USP34: variants seen among roughly 807,000 people sequenced by gnomAD.
USP34 encodes the protein ubiquitin carboxyl-terminal hydrolase 34.
Under a neutral mutation model 460.3 loss-of-function variants are expected in USP34, and 70 were observed. That is an observed-to-expected ratio of 0.15 (90% CI 0.13 to 0.19). The LOEUF is 0.19. Ranked by LOEUF, USP34 falls within the 10% of genes least tolerant of loss-of-function variation. The pLI is 1.00. For missense variants in USP34, 3,985 were observed against 4,236.2 expected (o/e 0.94, Z 1.65); for synonymous variants, 1,647 against 1,405.3 (o/e 1.17, Z -3.85).
chr2:61,313,235 A>T (rs1421976898), intron 25 of USP34, among the ~76,000 whole-genome samples: 1 of 150,852 alleles, frequency 6.6e-6, no homozygotes, highest in East Asian at 1.9e-4. Flanking sequence ...GGACATAACA[A>T]TTTTTTTTTT....
At chr2:61,375,566 G>A (rs543552581) in intron 8 of USP34, among the ~76,000 whole-genome samples, 12 of 151,954 alleles carry the variant, frequency 7.9e-5, no homozygotes, top group African/African-American at 1.2e-4. Context: ...TCAGGAGATC[G>A]AGTCCATCCT....
At chr2:61,229,359 T>C (rs56034939) in intron 59 of USP34, among the ~76,000 whole-genome samples, 189 bp downstream of exon 59, 7 of 150,818 alleles carry the variant, frequency 4.6e-5, no homozygotes, top group African/African-American at 1.5e-4. Flanking sequence ...TGGTGGTTCA[T>C]GCCTGTAATC....
intron 29 of USP34, among the ~76,000 whole-genome samples, chr2:61,298,704 A>T (rs1275651585): frequency 6.6e-6 from 1 of 151,918 alleles, no homozygotes; most frequent in Admixed American, 6.6e-5. Flanking sequence ...TCCTCCACAC[A>T]AACATCTAAA....
At chr2:61,457,652 C>T (rs927294120) in intron 1 of USP34, among the ~76,000 whole-genome samples, 44 of 152,146 alleles carry the variant, frequency 2.9e-4, no homozygotes, top group African/African-American at 1.0e-3. Context: ...CACTTGAGGC[C>T]AGAAGTTCAA....
At chr2:61,200,775 G>GTGGTCATTAATGTGGACTTCTT (rs1686952559) in intron 75 of USP34, 2 of 152,292 alleles carry the variant, frequency 1.3e-5, no homozygotes, top group Non-Finnish European at 1.5e-5. Flanking sequence ...CCAACTCTGT[G>GTGGTCATTAATGTGGACTTCTT]TGGTCATTAA....
Position 61,451,403 on chromosome 2 carries a change from TGCTGGGTGCG to T in USP34, c.43+19237_43+19246del, listed in dbSNP as rs1695272206. Among the ~76,000 whole-genome samples the T allele has an allele frequency of 4.0e-5, 6 of 150,660 alleles. No homozygotes were observed. In the South Asian group the frequency reaches 1.3e-3, roughly 32 times the overall value. ...TAAATTCTGTACAAGACAGACATGG[TGCTGGGTGCG>T]GTGGCTCACGCCTGTAATCCCAGCA... is the stretch of plus-strand genomic sequence containing the variant. On this transcript the variant is annotated intron_variant, in intron 1 of 79. Coordinates refer to ENST00000398571, the MANE Select transcript of USP34 (RefSeq NM_014709.4).
intron 1 of USP34, among the ~76,000 whole-genome samples, chr2:61,460,538 T>C (rs553219088): frequency 6.6e-6 from 1 of 152,080 alleles, no homozygotes; most frequent in Middle Eastern, 3.4e-3. Context: ...GTTCTTAAAA[T>C]AATGAGAAAA....
rs542746639 is a variant in USP34 at position 61,389,596 on chromosome 2, A to C, written c.753+5257T>G. On this transcript the variant is annotated intron_variant, in intron 5 of 79. Transcript: ENST00000398571. ...TGCTTATAAAAGTAATGAAAACAAA[A>C]TTACATACTATGCAACAGAGGTACA... is the stretch of plus-strand genomic sequence containing the variant. 1.7e-4 allele frequency among the ~76,000 whole-genome samples: 26 copies of C among 152,344 alleles called. No individual in the cohort carries two copies. The South Asian group carries it at 4.8e-3, about 28-fold the overall frequency.
intron 10 of USP34, among the ~76,000 whole-genome samples, chr2:61,355,377 A>C (rs1190855026): frequency 5.9e-5 from 9 of 152,242 alleles, no homozygotes; most frequent in Admixed American, 5.9e-4. Context: ...GATTTAAAAA[A>C]CAAAGAATAA....
intron 27 of USP34, among the ~76,000 whole-genome samples, chr2:61,304,278 C>T (rs1358684621): frequency 6.6e-6 from 1 of 152,190 alleles, no homozygotes. Context: ...TTAAAACACT[C>T]TCAGTCATGA....
intron 20 of USP34, among the ~76,000 whole-genome samples, chr2:61,326,262 C>T (rs2103715237): frequency 6.6e-6 from 1 of 152,254 alleles, no homozygotes; most frequent in South Asian, 2.1e-4. Flanking sequence ...GGCTGGAGTG[C>T]AGTGACAGAA....
intron 10 of USP34, among the ~76,000 whole-genome samples, chr2:61,361,976 A>C (rs546564233): frequency 3.3e-5 from 5 of 151,616 alleles, no homozygotes; most frequent in Non-Finnish European, 7.4e-5. Flanking sequence ...AAAAATAATA[A>C]ATAAATAAAT....
At chr2:61,468,075 A>T (rs1173519921) in intron 1 of USP34, among the ~76,000 whole-genome samples, 2 of 152,178 alleles carry the variant, frequency 1.3e-5, no homozygotes, top group African/African-American at 2.4e-5. Flanking sequence ...TCAAGCTCCA[A>T]CCACTCATGT....
In USP34 at chr2:61,464,136, T is replaced by C. The variant is rs1695691053; in HGVS notation, c.43+6514A>G. On this transcript the variant is annotated intron_variant, in intron 1 of 79. Coordinates refer to ENST00000398571, the MANE Select transcript of USP34 (RefSeq NM_014709.4). Reference sequence around the variant, plus strand: ...TAGTTCAAGACCAGTGTGGCCAAACTGGTGAAAATTAGTCTCGACTAAAAA... The same window carrying C: ...TAGTTCAAGACCAGTGTGGCCAAACCGGTGAAAATTAGTCTCGACTAAAAA... 2.0e-5 allele frequency among the ~76,000 whole-genome samples: 3 copies of C among 152,180 alleles called. No homozygotes were observed. The South Asian group carries it at 6.2e-4, about 31-fold the overall frequency.
intron 75 of USP34, among the ~76,000 whole-genome samples, chr2:61,194,685 G>A (rs1050226308): frequency 6.6e-6 from 1 of 152,240 alleles, no homozygotes; most frequent in Non-Finnish European, 1.5e-5. Context: ...GCCAGGCGCA[G>A]TGGCTCATGC....
chr2:61,365,334 T>C (rs1279553008), intron 10 of USP34, among the ~76,000 whole-genome samples: 1 of 151,746 alleles, frequency 6.6e-6, no homozygotes, highest in East Asian at 1.9e-4. Flanking sequence ...TGTGTATATA[T>C]GTATGTATGT....
At chr2:61,311,514 G>GAGAA in intron 27 of USP34, 26 bp downstream of exon 27, 1 of 1,475,182 alleles carries the variant, frequency 6.8e-7, no homozygotes, top group African/African-American at 1.5e-5. Flanking sequence ...GAAAGAGAAA[G>GAGAA]AGAAAATTTG....
Position 61,463,176 on chromosome 2 carries a change from T to C in USP34, c.43+7474A>G, listed in dbSNP as rs147319996. ...TAAACGGTTCACTGCAGAATAACAG[T>C]ATTAAGAAAGATTCTCAGCCGGGTA... On this transcript the variant is annotated intron_variant, in intron 1 of 79. Transcript: ENST00000398571. 2.7e-3 allele frequency among the ~76,000 whole-genome samples: 417 copies of C among 151,834 alleles called. 1 individual carries two copies. The highest frequency in any genetic ancestry group is 9.4e-3 in the African/African-American group (389 of 41,402).
At chr2:61,213,851 C>CTTCA (rs1687332674) in intron 68 of USP34, among the ~76,000 whole-genome samples, 1 of 151,832 alleles carries the variant, frequency 6.6e-6, no homozygotes, top group African/African-American at 2.4e-5. Flanking sequence ...GCAACTTTAA[C>CTTCA]TTCACCCTAA....
Sources: allele counts gnomAD v4.1 joint callset (sites outside exome capture counted in the v4.1 genomes callset), GRCh38; gene constraint gnomAD v4.1.1; transcripts MANE v1.5; gene names NCBI Gene and HGNC (gene_info 2026-07-23, HGNC 2026-07-21).